Variants in MOV10L1 observed in about 807,000 individuals in gnomAD.
MOV10L1 encodes Mov10 like RNA helicase 1, also known as RNA helicase Mov10l1.
Under a neutral mutation model 143.8 loss-of-function variants are expected in MOV10L1, and 110 were observed. The ratio of observed to expected loss-of-function variants is 0.76; its 90% CI spans 0.66 to 0.90. The LOEUF (loss-of-function observed/expected upper bound fraction) is 0.90, where lower values mean the gene tolerates loss of function less well. Ranked by LOEUF, MOV10L1 falls within the 40% of genes least tolerant of loss-of-function variation. MOV10L1 has a pLI of 0.00. For synonymous variants in MOV10L1, 593 were observed against 581.1 expected, an observed-to-expected ratio of 1.02 and a Z score of -0.29; for missense variants, 1,406 against 1,526.8, an observed-to-expected ratio of 0.92 and a Z score of 1.32.
intron 15 of MOV10L1, among the ~76,000 whole-genome samples, chr22:50,137,207 G>A (rs1331761482): frequency 2.0e-5 from 3 of 152,238 alleles, no homozygotes; most frequent in Non-Finnish European, 2.9e-5. Context: ...CAACCCCCCC[G>A]AAATAACATG....
chr22:50,161,150 C>A (rs2063550576), intron 26 of MOV10L1, 95 bp downstream of exon 26: 3 of 1,304,758 alleles, frequency 2.3e-6, no homozygotes, highest in Admixed American at 1.7e-5. Context: ...TCCACTTACC[C>A]ACCTGCAGCC....
At chr22:50,144,903 T>G (rs2063105915) in intron 18 of MOV10L1, among the ~76,000 whole-genome samples, 1 of 151,992 alleles carries the variant, frequency 6.6e-6, no homozygotes. Context: ...AAGTATTCCT[T>G]TAAGTTGCTG....
chr22:50,113,622 A>G (rs1174348439), intron 5 of MOV10L1, 26 bp from the exon 6 acceptor site: 3 of 1,609,180 alleles, frequency 1.9e-6, no homozygotes, highest in East Asian at 2.2e-5. Flanking sequence ...CTGCAGAGGG[A>G]TGTCTTTCTG....
In MOV10L1 at chr22:50,159,242, T is replaced by G. The variant is rs2147030214; in HGVS notation, c.3217-436T>G. The G allele has an allele frequency of 6.6e-6, 1 of 152,494 alleles. No individual in the cohort carries two copies. Among genetic ancestry groups the G allele is most frequent in the Admixed American group, 6.5e-5 (1 of 15,306 alleles). The allele number at this position is 152,494 out of a possible 1,614,324, so 9.4% of individuals were successfully genotyped here. ...ATCAATTCAGATTAGAAGAAAGCAA[T>G]AAAGAATTAAAAAACAATATTGCAC... On this transcript the variant is annotated intron_variant, in intron 23 of 26. Transcript: ENST00000262794. This position sits in a 1 kb window ranked among gnomAD's most constrained non-coding sequence, Gnocchi z 4.1.
intron 4 of MOV10L1, 127 bp downstream of exon 4, chr22:50,108,375 A>T: frequency 1.1e-6 from 1 of 905,512 alleles, no homozygotes; most frequent in Non-Finnish European, 1.8e-6. Flanking sequence ...TCATGGCCAA[A>T]GAGGAGTGTG....
In MOV10L1 at chr22:50,114,600, GAAC is replaced by G; in HGVS notation, c.1109_1111del (p.Asn370del). 2 of 1,614,056 alleles carry G rather than the reference GAAC, an allele frequency of 1.2e-6. No individual in the cohort carries two copies. The highest frequency in any genetic ancestry group is 8.5e-7 in the Non-Finnish European group (1 of 1,180,014). On this transcript the variant is annotated inframe_deletion, in exon 7 of 27. Coordinates refer to ENST00000262794, the MANE Select transcript of MOV10L1 (RefSeq NM_018995.3). ...CTCAGATGTCGGAGAGCAGTTTGGTGAACAACAGAGGAATCTCTCCAGGTAGTG... is the reference window on the plus strand; with the variant it reads ...CTCAGATGTCGGAGAGCAGTTTGGTGAACAGAGGAATCTCTCCAGGTAGTG...
At chr22:50,115,398 C>A in intron 8 of MOV10L1, 152 bp downstream of exon 8, 1 of 878,012 alleles carries the variant, frequency 1.1e-6, no homozygotes, top group Non-Finnish European at 1.6e-6. Flanking sequence ...AACCCCGCCT[C>A]TACTAAAAAT....
chr22:50,096,789 A>G (rs2062600476), intron 2 of MOV10L1, among the ~76,000 whole-genome samples: 1 of 151,964 alleles, frequency 6.6e-6, no homozygotes, highest in Admixed American at 6.6e-5. Context: ...TTCTTTGGAG[A>G]AATATCTACT....
At chr22:50,104,056 G>A (rs1341109412) in intron 3 of MOV10L1, among the ~76,000 whole-genome samples, 2 of 152,142 alleles carry the variant, frequency 1.3e-5, no homozygotes, top group African/African-American at 4.8e-5. Flanking sequence ...GGGAGACAGT[G>A]ACAGATCGTC....
At position 50,115,119 on chromosome 22, in the gene MOV10L1, T is replaced by G. The variant is rs754985168; in HGVS notation, c.1132T>G (p.Cys378Gly). Residue 378 changes from cysteine (C) to glycine (G), a missense_variant, in exon 8 of 27, where the codon TGT becomes GGT. This residue lies in a region of MOV10L1 where 1,233 missense variants were observed against 1,351.4 expected (regional missense o/e 0.91). Transcript: ENST00000262794. ...VNNRGISPGDCTCKGENGEKD... is the reference protein window; with the variant it reads ...VNNRGISPGDGTCKGENGEKD... ...ATTAAAATTTTATTTCCCAGGTGAT[T>G]GTACCTGTAAAGGAGAAAATGGAGA... is the stretch of plus-strand genomic sequence containing the variant. The G allele has an allele frequency of 1.3e-6, 2 of 1,570,284 alleles. No individual in the cohort carries two copies. Among genetic ancestry groups the G allele is most frequent in the South Asian group, 2.4e-5 (2 of 82,722 alleles).
intron 6 of MOV10L1, among the ~76,000 whole-genome samples, 178 bp from the exon 7 acceptor site, chr22:50,114,203 C>T (rs887290290): frequency 6.6e-6 from 1 of 152,174 alleles, no homozygotes; most frequent in African/African-American, 2.4e-5. Flanking sequence ...AGGCGTGAGA[C>T]ACCACGCCCG....
intron 7 of MOV10L1, 102 bp from the exon 8 acceptor site, chr22:50,115,012 C>CT: frequency 7.7e-7 from 1 of 1,303,992 alleles, no homozygotes; most frequent in Non-Finnish European, 1.1e-6. Context: ...GTGCATCTGT[C>CT]TTTGTGTGTG....
chr22:50,148,406 T>C (rs1194668753), intron 19 of MOV10L1, among the ~76,000 whole-genome samples: 2 of 152,198 alleles, frequency 1.3e-5, no homozygotes, highest in South Asian at 4.1e-4. Flanking sequence ...TGCTCTCCGC[T>C]CAGTCCCACA....
chr22:50,140,805 C>T (rs377089300), intron 15 of MOV10L1, among the ~76,000 whole-genome samples: 25 of 152,178 alleles, frequency 1.6e-4, no homozygotes, highest in African/African-American at 6.0e-4. Flanking sequence ...TCACTGCAAC[C>T]TTGACCTCCT....
intron 22 of MOV10L1, among the ~76,000 whole-genome samples, chr22:50,154,020 G>A (rs1479257565): frequency 6.6e-6 from 1 of 152,248 alleles, no homozygotes; most frequent in Non-Finnish European, 1.5e-5. Flanking sequence ...GCCCCCAGTT[G>A]CTCTTCGTAA....
chr22:50,090,054 G>A lies in MOV10L1; in HGVS notation c.-35G>A, dbSNP rs1367546494. The A allele has an allele frequency of 7.6e-6, 6 of 789,022 alleles. No homozygotes were observed. The highest frequency in any genetic ancestry group is 9.5e-6 in the Non-Finnish European group (6 of 628,750). 48.9% of individuals were successfully genotyped at this position (789,022 alleles called of 1,614,324 possible). On this transcript the variant is annotated 5_prime_UTR_variant, in exon 1 of 27. Coordinates refer to ENST00000262794, the MANE Select transcript of MOV10L1 (RefSeq NM_018995.3). ...GCGCGGGCGCGTGCGGGCGGCGGCA[G>A]CGGCGGTGACGGCAGCCTAGGCCGG... is the stretch of plus-strand genomic sequence containing the variant.
At chr22:50,094,292 A>G (rs139787708) in intron 2 of MOV10L1, 26 of 152,262 alleles carry the variant, frequency 1.7e-4, no homozygotes, top group African/African-American at 5.8e-4. Flanking sequence ...TAGGTCCTGT[A>G]AATTTCTTAC....
At chr22:50,107,325 G>A (rs1256595326) in intron 3 of MOV10L1, among the ~76,000 whole-genome samples, 2 of 152,126 alleles carry the variant, frequency 1.3e-5, no homozygotes, top group African/African-American at 2.4e-5. Flanking sequence ...GCCTCCCAAA[G>A]TGCTGGGATT....
rs875845 is a variant in MOV10L1, at chr22:50,117,833, T to C, written c.1454+482T>C. Reference sequence around the variant, plus strand: ...GAAGCAGTGTGTGATCTGGGACTTGTGGCTGGGGAACATAGGGACCACCCA... The same window carrying C: ...GAAGCAGTGTGTGATCTGGGACTTGCGGCTGGGGAACATAGGGACCACCCA... On this transcript the variant is annotated intron_variant, in intron 9 of 26. Transcript: ENST00000262794. Among the ~76,000 whole-genome samples the C allele has an allele frequency of 7.8e-3, 1,185 of 152,304 alleles. 61 individuals are homozygous for C. In the East Asian group the frequency reaches 0.12, roughly 15 times the overall value.
Sources: gnomAD v4.1 joint callset for allele counts (sites outside exome capture counted in the v4.1 genomes callset) on GRCh38, gnomAD v4.1.1 for gene constraint, gnomAD v4.1.1 regional missense constraint, Gnocchi (gnomAD v3.1) non-coding constraint, MANE v1.5 for transcripts, NCBI Gene and HGNC (gene_info 2026-07-23, HGNC 2026-07-21) for gene names.